Variants in EP300 observed in about 807,000 individuals in gnomAD.
EP300 encodes the protein EP300 lysine acetyltransferase.
In EP300, 31 loss-of-function variants were observed where a neutral mutation model predicts 264.0. The ratio of observed to expected loss-of-function variants is 0.12; its 90% CI spans 0.09 to 0.16. The LOEUF (loss-of-function observed/expected upper bound fraction) is 0.16, where lower values mean the gene tolerates loss of function less well. Among genes scored for constraint, EP300 ranks in the 10% least tolerant of loss-of-function variants. The probability of loss-of-function intolerance (pLI) is 1.00; values close to 1 mark genes in which losing one functional copy is unlikely to be tolerated. For synonymous variants in EP300, 1,340 were observed against 1,045.4 expected (o/e 1.28, Z -5.44); for missense variants, 2,766 against 3,052.9 (o/e 0.91, Z 2.21).
chr22:41,171,431 G>T (rs1170866169), intron 27 of EP300, among the ~76,000 whole-genome samples: 1 of 152,110 alleles, frequency 6.6e-6, no homozygotes, highest in East Asian at 1.9e-4. Context: ...GTGCCTCCCA[G>T]GCTCAAGCCA....
intron 2 of EP300, 137 bp from the exon 3 acceptor site, chr22:41,125,727 C>G (rs2058878122): frequency 2.2e-6 from 2 of 919,764 alleles, no homozygotes; most frequent in Non-Finnish European, 3.3e-6. Flanking sequence ...GTTGCCCAAG[C>G]TGTAGTGTCT....
chr22:41,127,760 C>T lies in EP300; in HGVS notation c.1168+12C>T. On this transcript the variant is annotated intron_variant, in intron 4 of 30. Coordinates refer to ENST00000263253, the MANE Select transcript of EP300 (RefSeq NM_001429.4). Reference sequence around the variant, plus strand: ...CAAGTCTTGCCAAGGTAAGTGGACCCACAGGGTTACTGTACTTAGCAATTT... The same window carrying T: ...CAAGTCTTGCCAAGGTAAGTGGACCTACAGGGTTACTGTACTTAGCAATTT... 6.2e-7 allele frequency: 1 copy of T among 1,614,022 alleles called. No homozygotes were observed.
intron 11 of EP300, 38 bp downstream of exon 11, chr22:41,146,854 C>G (rs2145732615): frequency 1.9e-6 from 3 of 1,541,244 alleles, no homozygotes; most frequent in Non-Finnish European, 2.7e-6. Context: ...TTAAAAGAAT[C>G]CCCGGTGTAC....
At chr22:41,168,270 C>T (rs890236502) in intron 23 of EP300, 179 bp from the exon 24 acceptor site, 5 of 649,986 alleles carry the variant, frequency 7.7e-6, no homozygotes, top group Non-Finnish European at 1.1e-5. Context: ...TTAGCATGTT[C>T]CCTGCACTCA....
At chr22:41,136,830 C>T (rs2058953672) in intron 7 of EP300, among the ~76,000 whole-genome samples, 1 of 151,166 alleles carries the variant, frequency 6.6e-6, no homozygotes, top group African/African-American at 2.4e-5. Flanking sequence ...GAGGCCGAGG[C>T]AGGCAGATTG....
At chr22:41,167,820 TTTTTTG>T (rs568481381) in intron 23 of EP300, among the ~76,000 whole-genome samples, 5,976 of 43,444 alleles carry the variant, frequency 0.14, 634 homozygotes, top group East Asian at 0.26. Flanking sequence ...TTTTGTTTTT[TTTTTTG>T]TTTTTTTTTT....
intron 10 of EP300, 101 bp downstream of exon 10, chr22:41,141,323 GT>G: frequency 3.0e-6 from 4 of 1,320,020 alleles, no homozygotes; most frequent in Admixed American, 4.3e-5. Flanking sequence ...CTATTCTAGA[GT>G]TTTTTAAATA....
intron 19 of EP300, 68 bp from the exon 20 acceptor site, chr22:41,160,574 C>T (rs757569100): frequency 4.0e-6 from 6 of 1,510,256 alleles, no homozygotes; most frequent in South Asian, 3.4e-5. Flanking sequence ...TTGGTGGCTT[C>T]GTTGCTTGGC....
intron 10 of EP300, among the ~76,000 whole-genome samples, 169 bp downstream of exon 10, chr22:41,141,391 A>G (rs955511785): frequency 6.6e-6 from 1 of 152,236 alleles, no homozygotes; most frequent in Admixed American, 6.5e-5. Flanking sequence ...GAAGCAGAAC[A>G]AGTATATTTA....
intron 3 of EP300, among the ~76,000 whole-genome samples, chr22:41,126,652 A>G (rs978889526): frequency 6.8e-6 from 1 of 147,438 alleles, no homozygotes; most frequent in African/African-American, 2.5e-5. Context: ...TGGACTGCCT[A>G]TATTTGAGAT....
chr22:41,157,514 T>A, intron 18 of EP300, 106 bp downstream of exon 18: 1 of 543,476 alleles, frequency 1.8e-6, no homozygotes. Flanking sequence ...TGACATGGCT[T>A]TTTTTTTTTT....
intron 1 of EP300, among the ~76,000 whole-genome samples, chr22:41,098,074 G>T (rs955586260): frequency 2.0e-5 from 3 of 151,836 alleles, no homozygotes; most frequent in African/African-American, 7.3e-5. Flanking sequence ...ATGTATACAT[G>T]TGCCATGTTG....
chr22:41,150,732 A>G (rs1483768943), intron 14 of EP300, among the ~76,000 whole-genome samples: 3 of 152,002 alleles, frequency 2.0e-5, no homozygotes, highest in South Asian at 2.1e-4. Flanking sequence ...CTACAAAAAA[A>G]TAACAAAAAT....
At chr22:41,129,225 A>G (rs547025711) in intron 4 of EP300, among the ~76,000 whole-genome samples, 121 of 151,946 alleles carry the variant, frequency 8.0e-4, no homozygotes, top group African/African-American at 2.9e-3. Context: ...GTTAGCCAGG[A>G]TGGTCTCTAT....
At chr22:41,127,845 T>G (rs2058891959) in intron 4 of EP300, 97 bp downstream of exon 4, 6 of 1,452,428 alleles carry the variant, frequency 4.1e-6, no homozygotes, top group Non-Finnish European at 5.7e-6. Flanking sequence ...ATGGATATGT[T>G]TAATACCTTA....
chr22:41,099,049 G>T (rs2058716999), intron 1 of EP300, among the ~76,000 whole-genome samples: 1 of 152,156 alleles, frequency 6.6e-6, no homozygotes, highest in Admixed American at 6.5e-5. Flanking sequence ...AGCAGTGGTA[G>T]ATGGTTTGGG....
chr22:41,098,198 TC>T (rs1416055346), intron 1 of EP300, among the ~76,000 whole-genome samples: 1 of 152,192 alleles, frequency 6.6e-6, no homozygotes, highest in Admixed American at 6.5e-5. Context: ...TGATTTTTTT[TC>T]GCTTAATAGA....
intron 26 of EP300, among the ~76,000 whole-genome samples, chr22:41,169,907 T>A (rs2059160529): frequency 6.6e-6 from 1 of 152,240 alleles, no homozygotes; most frequent in Non-Finnish European, 1.5e-5. Context: ...GGCAGAATTT[T>A]AACTGCATTT....
rs60283061 is a variant in EP300 at position 41,179,533 on chromosome 22, TAA to T, written c.*591_*592del. On this transcript the variant is annotated 3_prime_UTR_variant, in exon 31 of 31. Transcript: ENST00000263253. Reference sequence around the variant, plus strand: ...GATGTTCATTCTTTTAAAAAATGTTTAAAAAAAAAAAAAAACTGCCTTTCTTC... The same window carrying T: ...GATGTTCATTCTTTTAAAAAATGTTTAAAAAAAAAAAAACTGCCTTTCTTC... 13 of 165,140 alleles carry T rather than the reference TAA, an allele frequency of 7.9e-5. No homozygotes were observed. The highest frequency in any genetic ancestry group is 2.3e-4 in the African/African-American group (9 of 38,436). The allele number at this position is 165,140 out of a possible 1,614,324, so 10.2% of individuals were successfully genotyped here. A position where few individuals can be genotyped will look rare whatever the true frequency, so the allele number is the denominator to read the frequency against.
Sources: allele counts gnomAD v4.1 joint callset (sites outside exome capture counted in the v4.1 genomes callset), GRCh38; gene constraint gnomAD v4.1.1; transcripts MANE v1.5; gene names NCBI Gene and HGNC (gene_info 2026-07-23, HGNC 2026-07-21).